PTN: variants seen among roughly 807,000 people sequenced by gnomAD.
PTN encodes heparin affin regulatory protein.
In PTN, 18 loss-of-function variants were observed where a neutral mutation model predicts 24.1. The observed-to-expected ratio is 0.75, with a 90% CI of 0.52 to 1.11. PTN has a LOEUF of 1.11. Ranked by LOEUF, PTN falls within the 50% of genes least tolerant of loss-of-function variation. The probability of loss-of-function intolerance (pLI) is 0.00; values close to 1 mark genes in which losing one functional copy is unlikely to be tolerated. For missense variants in PTN, 163 were observed against 198.8 expected (o/e 0.82, Z 1.08); for synonymous variants, 78 against 68.6 (o/e 1.14, Z -0.67).
chr7:137,281,272 A>T (rs1809470135), intron 1 of PTN, among the ~76,000 whole-genome samples: 1 of 152,206 alleles, frequency 6.6e-6, no homozygotes, highest in Admixed American at 6.5e-5. Flanking sequence ...AAAACGTAGA[A>T]ATAGAATCCT....
chr7:137,297,794 G>T (rs1408672810), intron 1 of PTN, among the ~76,000 whole-genome samples: 1 of 152,024 alleles, frequency 6.6e-6, no homozygotes, highest in Non-Finnish European at 1.5e-5. Flanking sequence ...TCCTGATAGA[G>T]CAGAATAAAG....
intron 4 of PTN, among the ~76,000 whole-genome samples, chr7:137,246,779 G>A (rs969930592): frequency 6.6e-6 from 1 of 152,160 alleles, no homozygotes; most frequent in Non-Finnish European, 1.5e-5. Flanking sequence ...AGCGTTGCAT[G>A]GGTTTATAAT....
intron 1 of PTN, among the ~76,000 whole-genome samples, chr7:137,300,646 T>C (rs1809791471): frequency 6.6e-6 from 1 of 151,890 alleles, no homozygotes; most frequent in African/African-American, 2.4e-5. Flanking sequence ...AAGAGGTGCT[T>C]GGAACTGGCA....
chr7:137,293,114 G>C (rs116431528), intron 1 of PTN, among the ~76,000 whole-genome samples: 4 of 152,160 alleles, frequency 2.6e-5, no homozygotes, highest in African/African-American at 9.6e-5. Context: ...AAGCCACAAG[G>C]CTTTCCTTTC....
rs551098895 is a variant in PTN at position 137,323,169 on chromosome 7, G to T, written c.-2+20270C>A. Among the ~76,000 whole-genome samples the T allele has an allele frequency of 2.0e-5, 3 of 152,230 alleles. No individual in the cohort carries two copies. In the South Asian group the frequency reaches 6.2e-4, roughly 32 times the overall value. On this transcript the variant is annotated intron_variant, in intron 1 of 4. Transcript: ENST00000348225. ...TTGTGAATTTATCATTGTGAGACAGGGAGACAACAAAAGTACATGGTTTGT... is the reference window on the plus strand; with the variant it reads ...TTGTGAATTTATCATTGTGAGACAGTGAGACAACAAAAGTACATGGTTTGT...
At chr7:137,335,132 A>AT (rs34417015) in intron 1 of PTN, among the ~76,000 whole-genome samples, 57,292 of 149,430 alleles carry the variant, frequency 0.38, 11,312 homozygotes, top group South Asian at 0.47. Flanking sequence ...AGCATGGCAC[A>AT]TGTATACATA....
At position 137,304,100 on chromosome 7, in the gene PTN, G is replaced by A. The variant is rs188433715; in HGVS notation, c.-2+39339C>T. ...GTTCAAAGAATAATGACTCCCATAC[G>A]GAGTTACCAAACACTATCTTAAAAA... On this transcript the variant is annotated intron_variant, in intron 1 of 4. Transcript: ENST00000348225. Among the ~76,000 whole-genome samples, 277 of 152,026 alleles carry A rather than the reference G, an allele frequency of 1.8e-3. 1 individual carries two copies. The highest frequency in any genetic ancestry group is 6.4e-3 in the African/African-American group (265 of 41,472).
At chr7:137,231,849 C>G (rs1040930905) in intron 4 of PTN, among the ~76,000 whole-genome samples, 1 of 151,906 alleles carries the variant, frequency 6.6e-6, no homozygotes, top group African/African-American at 2.4e-5. Context: ...AAAACTTTGT[C>G]TTTAGAATAG....
chr7:137,299,706 C>T (rs561444690), intron 1 of PTN, among the ~76,000 whole-genome samples: 1 of 152,018 alleles, frequency 6.6e-6, no homozygotes, highest in East Asian at 1.9e-4. Context: ...GACTCCTCAC[C>T]CCTATGCCTG....
chr7:137,310,577 T>G (rs1395174222), intron 1 of PTN, among the ~76,000 whole-genome samples: 1 of 152,006 alleles, frequency 6.6e-6, no homozygotes, highest in African/African-American at 2.4e-5. Context: ...TTTCTTTTTT[T>G]GTATTTTTAG....
intron 2 of PTN, 134 bp from the exon 3 acceptor site, chr7:137,253,771 G>T: frequency 1.4e-6 from 1 of 729,398 alleles, no homozygotes; most frequent in Non-Finnish European, 2.0e-6. Context: ...CTAATGAATA[G>T]TAGAAACATG....
intron 1 of PTN, among the ~76,000 whole-genome samples, chr7:137,261,899 T>C (rs1479683546): frequency 6.6e-6 from 1 of 152,204 alleles, no homozygotes; most frequent in African/African-American, 2.4e-5. Context: ...AATGGAGATC[T>C]TATGATTTAT....
intron 1 of PTN, among the ~76,000 whole-genome samples, chr7:137,300,802 C>T (rs191470300): frequency 8.8e-4 from 134 of 151,918 alleles, no homozygotes; most frequent in African/African-American, 3.2e-3. Context: ...TGCTTCAGCC[C>T]GAAAAAATCA....
intron 1 of PTN, among the ~76,000 whole-genome samples, chr7:137,332,793 T>A (rs1810380534): frequency 6.6e-6 from 1 of 152,184 alleles, no homozygotes; most frequent in African/African-American, 2.4e-5. Context: ...AACAATCTGA[T>A]GTTCATAAGC....
chr7:137,305,208 T>C (rs955454854), intron 1 of PTN, among the ~76,000 whole-genome samples: 1 of 152,054 alleles, frequency 6.6e-6, no homozygotes, highest in African/African-American at 2.4e-5. Context: ...TAAGTAGAGC[T>C]CAATAATTCT....
At chr7:137,324,629 C>A (rs1296198739) in intron 1 of PTN, 1 of 151,572 alleles carries the variant, frequency 6.6e-6, no homozygotes, top group Non-Finnish European at 1.5e-5. Flanking sequence ...CAGAAAATAA[C>A]AAAACGCCAA....
rs978517821 is a variant in PTN, at chr7:137,253,600, C to T, written c.153G>A (p.Gln51=). The part of the protein sequence containing the change: ...KVKKSDCGEW[Q]WSVCVPTSGD... Reference sequence around the variant, plus strand: ...CACTGGTGGGCACACACACACTCCACTGCCATTCTCCACAGTCAGACTTCT... The same window carrying T: ...CACTGGTGGGCACACACACACTCCATTGCCATTCTCCACAGTCAGACTTCT... The change falls in exon 3 of 5, where the codon CAG becomes CAA. Residue 51 remains glutamine (Q), a synonymous_variant. Coordinates refer to ENST00000348225, the MANE Select transcript of PTN (RefSeq NM_002825.7). The T allele has an allele frequency of 2.9e-5, 46 of 1,575,732 alleles. No individual in the cohort carries two copies. The highest frequency in any genetic ancestry group is 3.6e-5 in the Non-Finnish European group (42 of 1,156,926).
intron 1 of PTN, among the ~76,000 whole-genome samples, chr7:137,257,838 C>T (rs1215696844): frequency 6.6e-6 from 1 of 152,110 alleles, no homozygotes; most frequent in East Asian, 1.9e-4. Flanking sequence ...ACTTTCTGCC[C>T]AAGCCATGGG....
At chr7:137,236,248 A>G (rs920752548) in intron 4 of PTN, 10 of 702,198 alleles carry the variant, frequency 1.4e-5, no homozygotes, top group Non-Finnish European at 2.3e-5. Flanking sequence ...CTTCTCTATA[A>G]GAAGGAATTG....
Sources: allele counts gnomAD v4.1 joint callset (sites outside exome capture counted in the v4.1 genomes callset), GRCh38; gene constraint gnomAD v4.1.1; transcripts MANE v1.5; gene names NCBI Gene and HGNC (gene_info 2026-07-23, HGNC 2026-07-21).